TMPRSS11D: variants seen among roughly 807,000 people sequenced by gnomAD.
The protein encoded by TMPRSS11D is transmembrane protease serine 11D.
A neutral mutation model predicts 44.4 loss-of-function variants in TMPRSS11D; 32 were observed. That is an observed-to-expected ratio of 0.72 (90% confidence interval 0.54 to 0.97). The LOEUF (loss-of-function observed/expected upper bound fraction) is 0.97. Among genes scored for constraint, TMPRSS11D ranks in the 50% least tolerant of loss-of-function variants. The pLI, the probability that TMPRSS11D is intolerant of heterozygous loss-of-function variation, is 0.00. For missense variants in TMPRSS11D, 446 were observed against 502.6 expected (o/e 0.89, Z 1.08); for synonymous variants, 179 against 177.9 (o/e 1.01, Z -0.05).
intron 3 of TMPRSS11D, among the ~76,000 whole-genome samples, chr4:67,846,391 A>G (rs945303994): frequency 6.6e-6 from 1 of 152,096 alleles, no homozygotes; most frequent in Non-Finnish European, 1.5e-5. Flanking sequence ...TGATATTTTT[A>G]ATATTATAAT....
At position 67,827,232 on chromosome 4, in the gene TMPRSS11D, T is replaced by C. The variant is rs371862493; in HGVS notation, c.952+29A>G. The C allele has an allele frequency of 1.5e-5, 23 of 1,565,940 alleles. No individual in the cohort carries two copies. The African/African-American group carries it at 1.9e-4, about 13-fold the overall frequency. The stretch of plus-strand genomic sequence containing the variant: ...TAATAGCAAATATAAGACATTTCTA[T>C]TGTTAATTTTTTTTTCCGAGACACT... On this transcript the variant is annotated intron_variant, in intron 8 of 9. Coordinates refer to ENST00000283916, the MANE Select transcript of TMPRSS11D (RefSeq NM_004262.3).
chr4:67,868,647 C>T (rs1162136817), intron 1 of TMPRSS11D, among the ~76,000 whole-genome samples: 3 of 152,106 alleles, frequency 2.0e-5, no homozygotes, highest in Non-Finnish European at 4.4e-5. Context: ...GGAAAATAAT[C>T]TAGAAAAATA....
chr4:67,859,646 A>G lies in TMPRSS11D; in HGVS notation c.41T>C (p.Leu14Pro), dbSNP rs776914213. Residue 14 changes from leucine to proline, a missense_variant, in exon 2 of 10, where the codon CTG becomes CCG. Coordinates refer to ENST00000283916, the MANE Select transcript of TMPRSS11D (RefSeq NM_004262.3). ...AATGAAACATACTACATATGGATTC[A>G]GAAATCTTGAAGTCGAAGTTACACG... ...PARVTSTSRF[L>P]NPYVVCFIVV... 6 of 1,613,028 alleles carry G rather than the reference A, an allele frequency of 3.7e-6. No homozygotes were observed. In the African/African-American group the frequency reaches 8.0e-5, roughly 22 times the overall value.
intron 7 of TMPRSS11D, among the ~76,000 whole-genome samples, chr4:67,832,598 A>C (rs1717973296): frequency 6.6e-6 from 1 of 151,290 alleles, no homozygotes; most frequent in Admixed American, 6.6e-5. Context: ...ATTTTTGTGC[A>C]TTCTGATTCC....
At chr4:67,881,182 A>G (rs1719312788) in intron 1 of TMPRSS11D, among the ~76,000 whole-genome samples, 1 of 152,204 alleles carries the variant, frequency 6.6e-6, no homozygotes, top group Non-Finnish European at 1.5e-5. Flanking sequence ...CCCTTACAGC[A>G]GTAAATATTG....
intron 5 of TMPRSS11D, 76 bp from the exon 6 acceptor site, chr4:67,835,197 T>A: frequency 1.5e-6 from 2 of 1,326,818 alleles, no homozygotes; most frequent in Non-Finnish European, 2.1e-6. Flanking sequence ...TAAAGTACAG[T>A]ACCCAGACAA....
At chr4:67,823,245 G>A (rs1205477330) in intron 9 of TMPRSS11D, among the ~76,000 whole-genome samples, 1 of 152,078 alleles carries the variant, frequency 6.6e-6, no homozygotes, top group Non-Finnish European at 1.5e-5. Flanking sequence ...TCTTCTTTTG[G>A]TGAAGAAATT....
At chr4:67,880,991 A>T (rs74486316) in intron 1 of TMPRSS11D, among the ~76,000 whole-genome samples, 1 of 152,014 alleles carries the variant, frequency 6.6e-6, no homozygotes, top group Admixed American at 6.5e-5. Context: ...CAGTTATCCA[A>T]TTAATGACTT....
At chr4:67,862,502 A>G (rs963099429) in intron 1 of TMPRSS11D, among the ~76,000 whole-genome samples, 2 of 152,136 alleles carry the variant, frequency 1.3e-5, no homozygotes, top group African/African-American at 4.8e-5. Context: ...ATAGCTATTA[A>G]TAATATATTT....
In TMPRSS11D at chr4:67,866,177, G is replaced by A. The variant is rs571100352; in HGVS notation, c.9-6499C>T. 3.9e-5 allele frequency among the ~76,000 whole-genome samples: 6 copies of A among 152,108 alleles called. No individual in the cohort carries two copies. The East Asian group carries it at 7.7e-4, about 20-fold the overall frequency. On this transcript the variant is annotated intron_variant, in intron 1 of 9. Coordinates refer to ENST00000283916, the MANE Select transcript of TMPRSS11D (RefSeq NM_004262.3). ...GTCAACTGGGTTTTATTCCAGGGAT[G>A]CAAGTATGATTCAACATACACAAAT...
intron 1 of TMPRSS11D, among the ~76,000 whole-genome samples, chr4:67,865,095 A>G (rs1327487438): frequency 2.6e-5 from 4 of 151,900 alleles, no homozygotes; most frequent in African/African-American, 4.8e-5. Context: ...AACATTCTCC[A>G]AGATAGATCA....
chr4:67,825,605 T>G (rs1266972871), intron 9 of TMPRSS11D, 127 bp downstream of exon 9: 1 of 1,054,658 alleles, frequency 9.5e-7, no homozygotes, highest in Non-Finnish European at 1.3e-6. Flanking sequence ...AAATCTAGAT[T>G]ATAAATTTTA....
At chr4:67,825,619 G>T in intron 9 of TMPRSS11D, 113 bp downstream of exon 9, 4 of 1,131,402 alleles carry the variant, frequency 3.5e-6, no homozygotes, top group South Asian at 2.6e-5. Context: ...AATTTTAGAG[G>T]AACAGGGCTG....
At chr4:67,837,952 T>G in intron 5 of TMPRSS11D, 1 of 379,836 alleles carries the variant, frequency 2.6e-6, no homozygotes, top group Non-Finnish European at 4.6e-6. Context: ...AATGAGAATT[T>G]TTAGCAAATA....
At chr4:67,876,968 C>T (rs1719205907) in intron 1 of TMPRSS11D, among the ~76,000 whole-genome samples, 1 of 152,072 alleles carries the variant, frequency 6.6e-6, no homozygotes, top group South Asian at 2.1e-4. Context: ...CTTTTGATTT[C>T]CATAATTCCA....
intron 3 of TMPRSS11D, among the ~76,000 whole-genome samples, chr4:67,846,886 A>T (rs1457230050): frequency 6.9e-6 from 1 of 144,980 alleles, no homozygotes; most frequent in Admixed American, 7.4e-5. Flanking sequence ...TTCTCTCTAT[A>T]GCATGAATTT....
chr4:67,829,555 A>C (rs930733764), intron 7 of TMPRSS11D, among the ~76,000 whole-genome samples: 1 of 152,020 alleles, frequency 6.6e-6, no homozygotes, highest in African/African-American at 2.4e-5. Context: ...CTATTAAATC[A>C]AAATTAGATA....
At chr4:67,861,679 C>T (rs1311096109) in intron 1 of TMPRSS11D, among the ~76,000 whole-genome samples, 2 of 152,082 alleles carry the variant, frequency 1.3e-5, no homozygotes, top group African/African-American at 4.8e-5. Context: ...AATAACATTA[C>T]AGCCAATTTT....
In TMPRSS11D at chr4:67,833,306, C is replaced by T; in HGVS notation, c.590G>A (p.Ser197Asn). 6.3e-7 allele frequency: 1 copy of T among 1,595,444 alleles called. No individual in the cohort carries two copies. Among genetic ancestry groups the T allele is most frequent in the South Asian group, 1.1e-5 (1 of 88,304 alleles). Residue 197 changes from serine (S) to asparagine (N), a missense_variant, in exon 7 of 10, where the codon AGC becomes AAC. Transcript: ENST00000283916. Reference protein sequence around the residue: ...ILGGTEAEEGSWPWQVSLRLN... With the variant: ...ILGGTEAEEGNWPWQVSLRLN... ...CCGCAGACTGACTTGCCACGGCCAG[C>T]TTCCCTCCTCAGCCTCAGTGCCTCC...
Sources: allele counts gnomAD v4.1 joint callset (sites outside exome capture counted in the v4.1 genomes callset), GRCh38; gene constraint gnomAD v4.1.1; transcripts MANE v1.5; gene names NCBI Gene and HGNC (gene_info 2026-07-23, HGNC 2026-07-21).